The following SPTLC2 variants were observed in gnomAD, a reference collection of about 807,000 sequenced individuals.
The protein encoded by SPTLC2 is serine palmitoyltransferase long chain base subunit 2.
Under a neutral mutation model 62.0 loss-of-function variants are expected in SPTLC2, and 21 were observed. The ratio of observed to expected loss-of-function variants is 0.34; its 90% CI spans 0.24 to 0.49. The LOEUF (loss-of-function observed/expected upper bound fraction) is 0.49, where lower values mean the gene tolerates loss of function less well. Ranked by LOEUF, SPTLC2 falls within the 20% of genes least tolerant of loss-of-function variation. The pLI is 0.99. For missense variants in SPTLC2, 511 were observed against 713.0 expected (o/e 0.72, Z 3.23); for synonymous variants, 261 against 261.8 (o/e 1.00, Z 0.03).
In SPTLC2 at chr14:77,609,862, A is replaced by G. The variant is rs146588014; in HGVS notation, c.132+6586T>C. On this transcript the variant is annotated intron_variant, in intron 1 of 11. Transcript: ENST00000216484. ...GCCATGTCCTGCCAGCCTGGGTAAC[A>G]GTAACACCCTGAATCAATCAATCAA... 6.6e-5 allele frequency among the ~76,000 whole-genome samples: 10 copies of G among 152,314 alleles called. No individual in the cohort carries two copies. The East Asian group carries it at 1.9e-3, about 29-fold the overall frequency.
chr14:77,525,295 CACTT>C (rs1249002153), intron 9 of SPTLC2, among the ~76,000 whole-genome samples: 3 of 151,876 alleles, frequency 2.0e-5, no homozygotes, highest in East Asian at 1.9e-4. Context: ...GAGACTCTGT[CACTT>C]ACGAAAAATG....
In SPTLC2 at chr14:77,535,836, C is replaced by T. The variant is rs548604493; in HGVS notation, c.1304-14255G>A. 2.8e-4 allele frequency: 103 copies of T among 367,000 alleles called. 1 individual carries two copies. Among genetic ancestry groups the T allele is most frequent in the South Asian group, 2.0e-3 (101 of 49,676 alleles). The allele number at this position is 367,000 out of a possible 1,614,324, so 22.7% of individuals were successfully genotyped here. A position where few individuals can be genotyped will look rare whatever the true frequency, so the allele number is the denominator to read the frequency against. On this transcript the variant is annotated intron_variant, in intron 9 of 11. Transcript: ENST00000216484. Reference sequence around the variant, plus strand: ...GCTATTAAAACCAGGTGAAAGTGGACAGAAATCTAAGTCAAGTAAATAACA... The same window carrying T: ...GCTATTAAAACCAGGTGAAAGTGGATAGAAATCTAAGTCAAGTAAATAACA...
chr14:77,566,905 A>G (rs113724579), intron 5 of SPTLC2, among the ~76,000 whole-genome samples: 8,486 of 152,276 alleles, frequency 0.056, 330 homozygotes, highest in Middle Eastern at 0.078. Context: ...TTAAAACTGG[A>G]TAAGTTACTG....
At chr14:77,568,200 T>C (rs2079657049) in intron 5 of SPTLC2, among the ~76,000 whole-genome samples, 1 of 152,248 alleles carries the variant, frequency 6.6e-6, no homozygotes, top group African/African-American at 2.4e-5. Context: ...CCCTGTTTTT[T>C]CTTCTTTGGC....
chr14:77,615,878 G>A (rs765162497), intron 1 of SPTLC2, among the ~76,000 whole-genome samples: 2 of 152,162 alleles, frequency 1.3e-5, no homozygotes, highest in Non-Finnish European at 2.9e-5. Context: ...GCTTTCGAGG[G>A]ACCAGCTTGG....
At chr14:77,587,377 A>G (rs2079787772) in intron 2 of SPTLC2, among the ~76,000 whole-genome samples, 1 of 152,228 alleles carries the variant, frequency 6.6e-6, no homozygotes, top group Non-Finnish European at 1.5e-5. Context: ...GGAGAAACTC[A>G]TATTTACATG....
At chr14:77,531,443 T>TCTTCTTCTTCTTCTTCTTCTTCTCCTC (rs1478198521) in intron 9 of SPTLC2, among the ~76,000 whole-genome samples, 2 of 130,278 alleles carry the variant, frequency 1.5e-5, no homozygotes, top group African/African-American at 6.1e-5. Flanking sequence ...TTCTTCTTCT[T>TCTTCTTCTTCTTCTTCTTCTTCTCCTC]CTCCTCCTTC....
chr14:77,586,771 C>T (rs926951350), intron 2 of SPTLC2, among the ~76,000 whole-genome samples: 19 of 152,190 alleles, frequency 1.2e-4, no homozygotes, highest in African/African-American at 4.6e-4. Context: ...TTCATGAAAT[C>T]AGCACTTCCA....
At chr14:77,582,495 A>G (rs1232224588) in intron 2 of SPTLC2, among the ~76,000 whole-genome samples, 1 of 152,242 alleles carries the variant, frequency 6.6e-6, no homozygotes, top group Non-Finnish European at 1.5e-5. Context: ...TATAAAACAG[A>G]AAAACCTTAG....
In SPTLC2 at chr14:77,613,799, A is replaced by G. The variant is rs545670828; in HGVS notation, c.132+2649T>C. ...TTGGCAACATTTCCCCCCCAGAAAG[A>G]GGGGAAAGATAGGTAGAGGTTGGAG... On this transcript the variant is annotated intron_variant, in intron 1 of 11. Coordinates refer to ENST00000216484, the MANE Select transcript of SPTLC2 (RefSeq NM_004863.4). 1.5e-3 allele frequency among the ~76,000 whole-genome samples: 224 copies of G among 152,356 alleles called. 1 individual carries two copies. Among genetic ancestry groups the G allele is most frequent in the Non-Finnish European group, 2.7e-3 (185 of 68,034 alleles).
Position 77,510,600 on chromosome 14 carries a change from GTAGGTGGGATTA to G in SPTLC2, c.*1672_*1683del, listed in dbSNP as rs1387255357. The stretch of plus-strand genomic sequence containing the variant: ...CGATTCTCCTGCCTCAGCCTACCAA[GTAGGTGGGATTA>G]TAGGTGCCCGCCACCACGCCCAGCT... On this transcript the variant is annotated 3_prime_UTR_variant, in exon 12 of 12. Transcript: ENST00000216484. The G allele has an allele frequency of 6.6e-6, 1 of 152,266 alleles. No homozygotes were observed. 9.4% of individuals were successfully genotyped at this position (152,266 alleles called of 1,614,324 possible).
At chr14:77,522,954 A>G (rs572609790) in intron 9 of SPTLC2, among the ~76,000 whole-genome samples, 1 of 152,376 alleles carries the variant, frequency 6.6e-6, no homozygotes, top group Non-Finnish European at 1.5e-5. Flanking sequence ...TAAGTTGGCC[A>G]CAAATAAGTC....
chr14:77,573,834 G>T (rs543618939), intron 4 of SPTLC2, among the ~76,000 whole-genome samples: 75 of 152,266 alleles, frequency 4.9e-4, no homozygotes, highest in African/African-American at 1.8e-3. Flanking sequence ...GTTTCACCAT[G>T]TTGGCTAGGC....
At chr14:77,575,311 ATGT>A (rs1350066434) in intron 4 of SPTLC2, among the ~76,000 whole-genome samples, 1 of 152,154 alleles carries the variant, frequency 6.6e-6, no homozygotes, top group African/African-American at 2.4e-5. Context: ...CCCTGTCTTC[ATGT>A]TGTTTTAAAT....
intron 2 of SPTLC2, among the ~76,000 whole-genome samples, chr14:77,582,158 T>C (rs921523896): frequency 1.3e-5 from 2 of 151,862 alleles, no homozygotes; most frequent in African/African-American, 2.4e-5. Context: ...GTTCAAGTGA[T>C]TCTCCTGTCT....
In SPTLC2 at chr14:77,518,129, A is replaced by G; in HGVS notation, c.1478T>C (p.Val493Ala). ...GGTGGCAGGAAATCCAACCACAACGACACCGATGTTCCGCTTCAGCATCTC... is the reference window on the plus strand; with the variant it reads ...GGTGGCAGGAAATCCAACCACAACGGCACCGATGTTCCGCTTCAGCATCTC... ...GREMLKRNIG[V>A]VVVGFPATPI... Residue 493 changes from valine to alanine, a missense_variant, in exon 11 of 12, where the codon GTC (valine) becomes GCC (alanine). Transcript: ENST00000216484. 6.2e-7 allele frequency: 1 copy of G among 1,614,148 alleles called. No homozygotes were observed. Among genetic ancestry groups the G allele is most frequent in the Non-Finnish European group, 8.5e-7 (1 of 1,180,028 alleles).
chr14:77,506,709 G>A lies in SPTLC2; in HGVS notation c.*5575C>T, dbSNP rs1363263467. On this transcript the variant is annotated 3_prime_UTR_variant, in exon 12 of 12. Transcript: ENST00000216484. ...TTTGCAAAAGAAACCTGGGAAGAGC[G>A]TTGGAAAAAGCAGACTCTGAGTTGG... The A allele has an allele frequency of 2.6e-5, 4 of 152,244 alleles. No homozygotes were observed. Among genetic ancestry groups the A allele is most frequent in the African/African-American group, 4.8e-5 (2 of 41,450 alleles). The allele number at this position is 152,244 out of a possible 1,614,324, so 9.4% of individuals were successfully genotyped here.
At chr14:77,535,810 G>T in intron 9 of SPTLC2, 1 of 347,374 alleles carries the variant, frequency 2.9e-6, no homozygotes, top group Non-Finnish European at 5.6e-6. Context: ...ATGACTGGCT[G>T]GCTATTAAAA....
chr14:77,522,595 A>T, intron 9 of SPTLC2, among the ~76,000 whole-genome samples: 1 of 152,244 alleles, frequency 6.6e-6, no homozygotes, highest in East Asian at 1.9e-4. Flanking sequence ...TGCAATTGCC[A>T]ACTGACTAAA....
Sources: allele counts gnomAD v4.1 joint callset (sites outside exome capture counted in the v4.1 genomes callset), GRCh38; gene constraint gnomAD v4.1.1; transcripts MANE v1.5; gene names NCBI Gene and HGNC (gene_info 2026-07-23, HGNC 2026-07-21).